Variants in ATL1 observed in about 807,000 individuals in gnomAD.
ATL1 encodes the protein atlastin-1.
A neutral mutation model predicts 75.5 loss-of-function variants in ATL1; 31 were observed. The observed-to-expected ratio is 0.41, with a 90% CI of 0.31 to 0.55. ATL1 has a LOEUF of 0.55. Among genes scored for constraint, ATL1 ranks in the 20% least tolerant of loss-of-function variants. The pLI is 0.27. For synonymous variants in ATL1, 226 were observed against 233.3 expected (o/e 0.97, Z 0.28); for missense variants, 405 against 662.6 (o/e 0.61, Z 4.27).
chr14:50,609,497 G>T (rs1448172505), intron 6 of ATL1, among the ~76,000 whole-genome samples: 1 of 151,888 alleles, frequency 6.6e-6, no homozygotes, highest in Non-Finnish European at 1.5e-5. Flanking sequence ...GAGTAATTAT[G>T]GGATATCATA....
At chr14:50,576,637 A>G (rs552935064) in intron 1 of ATL1, among the ~76,000 whole-genome samples, 11 of 152,362 alleles carry the variant, frequency 7.2e-5, no homozygotes, top group African/African-American at 2.6e-4. Context: ...GTACAGTTAC[A>G]TGATCATAGA....
rs190734940 is a variant in ATL1 at position 50,625,416 on chromosome 14, A to G, written c.1119+2168A>G. ...TTATCCAGAAGATCTACCTGAGATCATTGATGAAGGTGGCCACGGTAAACA... is the reference window on the plus strand; with the variant it reads ...TTATCCAGAAGATCTACCTGAGATCGTTGATGAAGGTGGCCACGGTAAACA... On this transcript the variant is annotated intron_variant, in intron 11 of 13. Transcript: ENST00000358385. 2.7e-4 allele frequency among the ~76,000 whole-genome samples: 41 copies of G among 152,344 alleles called. 1 individual carries two copies. The highest frequency in any genetic ancestry group is 2.3e-3 in the Admixed American group (35 of 15,300).
At chr14:50,589,155 C>CTTTTTTTTTTT (rs34191629) in intron 2 of ATL1, among the ~76,000 whole-genome samples, 5 of 109,424 alleles carry the variant, frequency 4.6e-5, no homozygotes, top group African/African-American at 6.8e-5. Flanking sequence ...TTCTTTCTTT[C>CTTTTTTTTTTT]TTTTTTTTTT....
intron 12 of ATL1, among the ~76,000 whole-genome samples, chr14:50,629,214 G>T (rs1184082889): frequency 1.3e-5 from 2 of 152,090 alleles, no homozygotes; most frequent in African/African-American, 4.8e-5. Flanking sequence ...ACTTCCAAAA[G>T]CAGTATCAGA....
chr14:50,603,287 G>C (rs1595608559), intron 6 of ATL1, among the ~76,000 whole-genome samples: 1 of 152,106 alleles, frequency 6.6e-6, no homozygotes, highest in Non-Finnish European at 1.5e-5. Context: ...TTCACCTACA[G>C]CATGTTTATT....
chr14:50,537,070 C>T (rs2038502583), intron 1 of ATL1, among the ~76,000 whole-genome samples: 2 of 152,210 alleles, frequency 1.3e-5, no homozygotes, highest in African/African-American at 4.8e-5. Context: ...TCATGGCAGA[C>T]CTTCCCATCA....
chr14:50,546,344 G>T (rs539510295), intron 1 of ATL1, among the ~76,000 whole-genome samples: 3 of 152,046 alleles, frequency 2.0e-5, no homozygotes, highest in Non-Finnish European at 2.9e-5. Context: ...CATGGCTAGA[G>T]TTCTGAAGTA....
intron 1 of ATL1, among the ~76,000 whole-genome samples, chr14:50,582,267 A>G (rs1003112879): frequency 6.6e-6 from 1 of 151,660 alleles, no homozygotes; most frequent in African/African-American, 2.4e-5. Flanking sequence ...TGACAGAGTG[A>G]GTCTCCATCT....
intron 1 of ATL1, among the ~76,000 whole-genome samples, chr14:50,566,817 C>T (rs2038908104): frequency 6.6e-6 from 1 of 151,994 alleles, no homozygotes; most frequent in Non-Finnish European, 1.5e-5. Context: ...TAAACGTAGT[C>T]CATTTAAACA....
At chr14:50,600,295 A>G (rs1032553104) in intron 6 of ATL1, among the ~76,000 whole-genome samples, 2 of 152,030 alleles carry the variant, frequency 1.3e-5, no homozygotes, top group African/African-American at 4.8e-5. Context: ...ACAATGAAAA[A>G]AACTTTAAGA....
At chr14:50,604,878 G>A (rs1595609523) in intron 6 of ATL1, among the ~76,000 whole-genome samples, 1 of 152,150 alleles carries the variant, frequency 6.6e-6, no homozygotes, top group South Asian at 2.1e-4. Flanking sequence ...TGATTGTACT[G>A]TATATGGTAC....
At chr14:50,603,253 T>A (rs554325988) in intron 6 of ATL1, among the ~76,000 whole-genome samples, 14 of 152,312 alleles carry the variant, frequency 9.2e-5, no homozygotes, top group Non-Finnish European at 1.2e-4. Context: ...GTACTTCACT[T>A]TCTGGAGTTA....
chr14:50,537,170 C>T (rs1188535370), intron 1 of ATL1, among the ~76,000 whole-genome samples: 1 of 152,210 alleles, frequency 6.6e-6, no homozygotes, highest in East Asian at 1.9e-4. Flanking sequence ...TGGTGCCCTG[C>T]TTTCCAGCTG....
intron 1 of ATL1, among the ~76,000 whole-genome samples, chr14:50,585,033 G>A (rs1347884128): frequency 6.6e-6 from 1 of 152,000 alleles, no homozygotes; most frequent in Admixed American, 6.6e-5. Flanking sequence ...ACGGATAAAA[G>A]GAGTACTTAT....
At chr14:50,579,167 T>C (rs2140192837) in intron 1 of ATL1, among the ~76,000 whole-genome samples, 1 of 151,852 alleles carries the variant, frequency 6.6e-6, no homozygotes, top group East Asian at 1.9e-4. Context: ...AACTGGTTTT[T>C]GTGTATGGTG....
At chr14:50,625,473 A>C (rs1027968760) in intron 11 of ATL1, among the ~76,000 whole-genome samples, 1 of 152,236 alleles carries the variant, frequency 6.6e-6, no homozygotes, top group Non-Finnish European at 1.5e-5. Flanking sequence ...ATAGTCTTCT[A>C]TTGGAAGATG....
chr14:50,604,625 A>C (rs2039300351), intron 6 of ATL1, among the ~76,000 whole-genome samples: 1 of 152,126 alleles, frequency 6.6e-6, no homozygotes, highest in Non-Finnish European at 1.5e-5. Context: ...TTTTAAGGTA[A>C]GAACTATATC....
chr14:50,565,352 G>A (rs1196136729), intron 1 of ATL1, among the ~76,000 whole-genome samples: 1 of 151,784 alleles, frequency 6.6e-6, no homozygotes, highest in African/African-American at 2.4e-5. Flanking sequence ...GGGCATGATG[G>A]TGCATGCTTG....
At chr14:50,568,628 A>G (rs1186644265) in intron 1 of ATL1, among the ~76,000 whole-genome samples, 2 of 152,128 alleles carry the variant, frequency 1.3e-5, no homozygotes, top group African/African-American at 2.4e-5. Context: ...CATTCTGCCA[A>G]TCTCTTTCTT....
Sources: allele counts gnomAD v4.1 joint callset (sites outside exome capture counted in the v4.1 genomes callset), GRCh38; gene constraint gnomAD v4.1.1; transcripts MANE v1.5; gene names NCBI Gene and HGNC (gene_info 2026-07-23, HGNC 2026-07-21).